The following NXN variants were observed in gnomAD, a reference collection of about 807,000 sequenced individuals.
NXN encodes nucleoredoxin.
A neutral mutation model predicts 48.6 loss-of-function variants in NXN; 16 were observed. The ratio of observed to expected loss-of-function variants is 0.33; its 90% CI spans 0.22 to 0.50. The LOEUF (loss-of-function observed/expected upper bound fraction) is 0.50, where lower values mean the gene tolerates loss of function less well. Ranked by LOEUF, NXN falls within the 20% of genes least tolerant of loss-of-function variation. The pLI, the probability that NXN is intolerant of heterozygous loss-of-function variation, is 0.98. For synonymous variants in NXN, 281 were observed against 269.6 expected, an observed-to-expected ratio of 1.04 and a Z score of -0.41; for missense variants, 492 against 605.5, an observed-to-expected ratio of 0.81 and a Z score of 1.97.
intron 1 of NXN, among the ~76,000 whole-genome samples, chr17:924,685 A>T (rs549022118): frequency 6.6e-6 from 1 of 151,298 alleles, no homozygotes; most frequent in African/African-American, 2.4e-5. Context: ...CATCTTCCCA[A>T]ACTGAAATTC....
rs761779569 is a variant in NXN, at chr17:932,890, C to T, written c.360+46429G>A. Reference sequence around the variant, plus strand: ...CTCGAACTCCTGACCTCAGGTGATCCGCCCGCCTCGGCCTCCCTCAGTACT... The same window carrying T: ...CTCGAACTCCTGACCTCAGGTGATCTGCCCGCCTCGGCCTCCCTCAGTACT... On this transcript the variant is annotated intron_variant, in intron 1 of 7. Coordinates refer to ENST00000336868, the MANE Select transcript of NXN (RefSeq NM_022463.5). The surrounding 1 kb of genome is among the most constrained non-coding windows in gnomAD (Gnocchi z 4.1). Among the ~76,000 whole-genome samples, 1 of 152,170 alleles carries T rather than the reference C, an allele frequency of 6.6e-6. No homozygotes were observed. Among genetic ancestry groups the T allele is most frequent in the East Asian group, 1.9e-4 (1 of 5,192 alleles).
At chr17:854,370 C>T (rs759840967) in intron 1 of NXN, among the ~76,000 whole-genome samples, 32 of 152,024 alleles carry the variant, frequency 2.1e-4, no homozygotes, top group Admixed American at 1.5e-3. Flanking sequence ...AAATTTCAGC[C>T]GGGAGCGGTG....
intron 1 of NXN, among the ~76,000 whole-genome samples, chr17:922,572 C>G (rs149068928): frequency 6.6e-6 from 1 of 152,288 alleles, no homozygotes; most frequent in African/African-American, 2.4e-5. Context: ...AGGTACAGAA[C>G]CAGGAGGTGC....
At chr17:834,673 C>A (rs962805641) in intron 1 of NXN, among the ~76,000 whole-genome samples, 1 of 151,996 alleles carries the variant, frequency 6.6e-6, no homozygotes, top group Non-Finnish European at 1.5e-5. Flanking sequence ...GCGCCCACCA[C>A]CACGCCCGAC....
At chr17:895,690 C>A (rs556352787) in intron 1 of NXN, among the ~76,000 whole-genome samples, 36 of 150,564 alleles carry the variant, frequency 2.4e-4, no homozygotes, top group Admixed American at 1.9e-3. Context: ...TGGTGGTGGG[C>A]ACCTGTAGTC....
intron 1 of NXN, among the ~76,000 whole-genome samples, chr17:969,952 G>A (rs1225484341): frequency 6.6e-6 from 1 of 152,144 alleles, no homozygotes; most frequent in Non-Finnish European, 1.5e-5. Flanking sequence ...ACCTGTAATT[G>A]GTGCCTGTAC....
At chr17:922,058 C>T (rs1281610317) in intron 1 of NXN, among the ~76,000 whole-genome samples, 1 of 152,222 alleles carries the variant, frequency 6.6e-6, no homozygotes, top group African/African-American at 2.4e-5. Flanking sequence ...GGCAAAGGGC[C>T]TCATTCTAAG....
intron 2 of NXN, 71 bp from the exon 3 acceptor site, chr17:823,836 G>C: frequency 1.9e-6 from 3 of 1,553,974 alleles, no homozygotes; most frequent in Non-Finnish European, 2.6e-6. Flanking sequence ...GGAGACTTCA[G>C]AGCGGTTAAG....
At chr17:889,739 G>GA (rs780436878) in intron 1 of NXN, among the ~76,000 whole-genome samples, 1 of 87,830 alleles carries the variant, frequency 1.1e-5, no homozygotes, top group Admixed American at 1.1e-4. Context: ...AAGAAAGAAA[G>GA]AAAGAAAGAA....
chr17:930,738 G>T (rs2068844318), intron 1 of NXN, among the ~76,000 whole-genome samples: 1 of 149,336 alleles, frequency 6.7e-6, no homozygotes, highest in African/African-American at 2.4e-5. Context: ...AACCGTAAAT[G>T]GTGGTATACC....
rs34045423 is a variant in NXN, at chr17:825,209, AG to A, written c.478+751del. Among the ~76,000 whole-genome samples the A allele has an allele frequency of 0.52, 75,965 of 145,942 alleles. 20,880 individuals are homozygous for A. Among genetic ancestry groups the A allele is most frequent in the African/African-American group, 0.71 (28,104 of 39,578 alleles). ...CTCGGCCTGGGCGACAGAGGGAGAT[AG>A]TGTCTCAAGAGAAAAAAAAAAAAAA... is the stretch of plus-strand genomic sequence containing the variant. On this transcript the variant is annotated intron_variant, in intron 2 of 7. Transcript: ENST00000336868. This position sits in a 1 kb window ranked among gnomAD's most constrained non-coding sequence, Gnocchi z 4.1.
intron 1 of NXN, among the ~76,000 whole-genome samples, chr17:844,148 A>C (rs1211548334): frequency 6.8e-6 from 1 of 147,674 alleles, no homozygotes; most frequent in Non-Finnish European, 1.5e-5. Flanking sequence ...CCAGGCCATC[A>C]TACATCCCGT....
chr17:828,403 C>CTTTT (rs745596555), intron 1 of NXN, among the ~76,000 whole-genome samples: 27 of 88,872 alleles, frequency 3.0e-4, no homozygotes, highest in African/African-American at 1.2e-3. Context: ...CGTGCCTGGC[C>CTTTT]TTTTTTTTTT....
At position 979,322 on chromosome 17, in the gene NXN, C is replaced by T. The variant is rs191853016; in HGVS notation, c.357G>A (p.Arg119=). 1,004 of 1,523,344 alleles carry T rather than the reference C, an allele frequency of 6.6e-4. 9 individuals carry two copies. In the African/African-American group the frequency reaches 0.012, roughly 19 times the overall value. 94.4% of individuals were successfully genotyped at this position (1,523,344 alleles called of 1,614,324 possible). A position where few individuals can be genotyped will look rare whatever the true frequency, so the allele number is the denominator to read the frequency against. Residue 119 remains arginine (R), a synonymous_variant, in exon 1 of 8, where the codon AGG becomes AGA. Transcript: ENST00000336868. The stretch of plus-strand genomic sequence containing the variant: ...CGGCGAGGCCCGCGCCGCTCACCTT[C>T]CTGTGCTTCTCCTTGTAGGGCAGCG... ...WLALPYKEKH[R]KLKLWNKYRI... is the part of the protein sequence containing the mutation.
intron 2 of NXN, among the ~76,000 whole-genome samples, chr17:824,187 C>T (rs1271191436): frequency 6.6e-6 from 1 of 152,096 alleles, no homozygotes; most frequent in Non-Finnish European, 1.5e-5. Context: ...CTACAGGTGC[C>T]CGCCACCAGG....
intron 1 of NXN, among the ~76,000 whole-genome samples, chr17:841,586 C>G (rs62067129): frequency 0.33 from 3,648 of 11,216 alleles, 542 homozygotes; most frequent in East Asian, 0.4. Flanking sequence ...CATCTCACGC[C>G]GGCGAGCAGG....
At chr17:832,428 G>A (rs941866608) in intron 1 of NXN, among the ~76,000 whole-genome samples, 5 of 151,120 alleles carry the variant, frequency 3.3e-5, no homozygotes, top group Non-Finnish European at 5.9e-5. Flanking sequence ...CCTCGTGTCC[G>A]CCCGCCTTGG....
intron 1 of NXN, among the ~76,000 whole-genome samples, chr17:971,538 G>A (rs1000088111): frequency 2.6e-5 from 4 of 151,390 alleles, no homozygotes; most frequent in African/African-American, 2.4e-5. Context: ...GTGAAACCCC[G>A]TCTCTACTAA....
At position 825,903 on chromosome 17, in the gene NXN, G is replaced by T; in HGVS notation, c.478+58C>A. 9.2e-7 allele frequency: 1 copy of T among 1,088,286 alleles called. No homozygotes were observed. Among genetic ancestry groups the T allele is most frequent in the Non-Finnish European group, 1.4e-6 (1 of 720,662 alleles). The allele number at this position is 1,088,286 out of a possible 1,614,324, so 67.4% of individuals were successfully genotyped here. A position where few individuals can be genotyped will look rare whatever the true frequency, so the allele number is the denominator to read the frequency against. ...CGGTGGGACGGAGATTAGCCTAAGG[G>T]CATGGAGGAGGGAGGGCTGGGTAAT... On this transcript the variant is annotated intron_variant, in intron 2 of 7. Coordinates refer to ENST00000336868, the MANE Select transcript of NXN (RefSeq NM_022463.5). The surrounding 1 kb of genome is among the most constrained non-coding windows in gnomAD (Gnocchi z 4.1).
Sources: gnomAD v4.1 joint callset for allele counts (sites outside exome capture counted in the v4.1 genomes callset) on GRCh38, gnomAD v4.1.1 for gene constraint, Gnocchi (gnomAD v3.1) non-coding constraint, MANE v1.5 for transcripts, NCBI Gene and HGNC (gene_info 2026-07-23, HGNC 2026-07-21) for gene names.